The following TSHR variants were observed in gnomAD, a reference collection of about 807,000 sequenced individuals.
TSHR encodes the protein thyroid stimulating hormone receptor.
Under a neutral mutation model 64.1 loss-of-function variants are expected in TSHR, and 51 were observed. The ratio of observed to expected loss-of-function variants is 0.80; its 90% CI spans 0.64 to 1.01. TSHR has a LOEUF of 1.01. TSHR is among the 50% of genes least tolerant of loss of function. The pLI is 0.00. For synonymous variants in TSHR, 361 were observed against 361.9 expected, an observed-to-expected ratio of 1.00 and a Z score of 0.03; for missense variants, 877 against 942.8, an observed-to-expected ratio of 0.93 and a Z score of 0.91.
At chr14:81,102,080 G>C (rs944134741) in intron 7 of TSHR, among the ~76,000 whole-genome samples, 1 of 151,706 alleles carries the variant, frequency 6.6e-6, no homozygotes. Flanking sequence ...GCTGAGGCAG[G>C]AGAATGGTGT....
At chr14:80,996,412 A>G (rs1235345841) in intron 1 of TSHR, among the ~76,000 whole-genome samples, 1 of 152,086 alleles carries the variant, frequency 6.6e-6, no homozygotes, top group Non-Finnish European at 1.5e-5. Flanking sequence ...ACTTTCGTCT[A>G]TGATCTAGTA....
At chr14:81,018,263 T>C (rs1328925840) in intron 1 of TSHR, among the ~76,000 whole-genome samples, 1 of 152,240 alleles carries the variant, frequency 6.6e-6, no homozygotes, top group Non-Finnish European at 1.5e-5. Flanking sequence ...CATGTCTTGC[T>C]GTTCCAAAAT....
chr14:81,002,918 C>T (rs1889417255), intron 1 of TSHR, among the ~76,000 whole-genome samples: 1 of 98,862 alleles, frequency 1.0e-5, no homozygotes, highest in African/African-American at 3.6e-5. Flanking sequence ...CATGCTGGTG[C>T]GCTGCACCCA....
At chr14:80,990,732 G>A (rs575943441) in intron 1 of TSHR, among the ~76,000 whole-genome samples, 5 of 151,996 alleles carry the variant, frequency 3.3e-5, no homozygotes, top group East Asian at 1.9e-4. Flanking sequence ...TCGGCTTACC[G>A]CAACCTCCGC....
intron 1 of TSHR, among the ~76,000 whole-genome samples, chr14:80,997,742 G>T (rs985755707): frequency 6.6e-6 from 1 of 152,196 alleles, no homozygotes; most frequent in African/African-American, 2.4e-5. Flanking sequence ...TAGTTCTATT[G>T]TAAGATTATC....
At chr14:80,998,604 G>A (rs1036589712) in intron 1 of TSHR, among the ~76,000 whole-genome samples, 10 of 151,794 alleles carry the variant, frequency 6.6e-5, no homozygotes, top group African/African-American at 2.2e-4. Context: ...TTAAGGAGTA[G>A]TTATTATAAA....
intron 7 of TSHR, among the ~76,000 whole-genome samples, chr14:81,101,407 A>G (rs1889572683): frequency 6.6e-6 from 1 of 152,154 alleles, no homozygotes; most frequent in Non-Finnish European, 1.5e-5. Flanking sequence ...GTATAATGAA[A>G]CCAATTTTAC....
At chr14:81,142,862 G>T in intron 9 of TSHR, 78 bp from the exon 10 acceptor site, 2 of 1,296,492 alleles carry the variant, frequency 1.5e-6, no homozygotes, top group Non-Finnish European at 2.2e-6. Flanking sequence ...CACCTGCCTT[G>T]GCCTCCCAAA....
intron 1 of TSHR, among the ~76,000 whole-genome samples, chr14:81,036,094 A>T (rs1566774084): frequency 1.3e-5 from 2 of 152,194 alleles, no homozygotes; most frequent in African/African-American, 4.8e-5. Context: ...GACTTCTGGG[A>T]CACCAACTAA....
chr14:81,088,957 CAGCTTCTTTGGGG>C (rs1246214287), intron 4 of TSHR, among the ~76,000 whole-genome samples: 2 of 149,718 alleles, frequency 1.3e-5, no homozygotes, highest in African/African-American at 4.9e-5. Context: ...GGGAACCACG[CAGCTTCTTTGGGG>C]AACTAAAAAT....
intron 1 of TSHR, among the ~76,000 whole-genome samples, chr14:80,970,623 G>T (rs921922500): frequency 1.3e-5 from 2 of 152,318 alleles, no homozygotes. Context: ...GGCCCACATG[G>T]CAGGGAAGCT....
At chr14:81,111,716 C>T (rs1440028292) in intron 8 of TSHR, among the ~76,000 whole-genome samples, 1 of 152,176 alleles carries the variant, frequency 6.6e-6, no homozygotes, top group Non-Finnish European at 1.5e-5. Flanking sequence ...TGATGAGCAC[C>T]TGCTGGCATT....
chr14:81,040,619 A>T (rs953566597), intron 1 of TSHR, among the ~76,000 whole-genome samples: 1 of 152,130 alleles, frequency 6.6e-6, no homozygotes, highest in East Asian at 1.9e-4. Flanking sequence ...CAGCAAAAAA[A>T]CAAATACAGT....
intron 3 of TSHR, among the ~76,000 whole-genome samples, chr14:81,083,254 A>T (rs1888040949): frequency 6.6e-6 from 1 of 152,152 alleles, no homozygotes; most frequent in Non-Finnish European, 1.5e-5. Context: ...TTCTTAGGGG[A>T]AGAAAAAAAA....
chr14:81,101,050 T>C (rs901651672), intron 7 of TSHR, among the ~76,000 whole-genome samples: 1 of 152,188 alleles, frequency 6.6e-6, no homozygotes, highest in African/African-American at 2.4e-5. Context: ...CCTGAAGCTA[T>C]CTAGGGATTG....
At chr14:81,063,226 A>C (rs961233627) in intron 2 of TSHR, among the ~76,000 whole-genome samples, 1 of 151,674 alleles carries the variant, frequency 6.6e-6, no homozygotes, top group African/African-American at 2.4e-5. Context: ...TTGCTCTCTC[A>C]TTCCTCTTCT....
In TSHR at chr14:81,126,982, A is replaced by C. The variant is rs112690961; in HGVS notation, c.693-12697A>C. Among the ~76,000 whole-genome samples the C allele has an allele frequency of 3.6e-3, 554 of 152,356 alleles. 3 individuals are homozygous for C. Among genetic ancestry groups the C allele is most frequent in the African/African-American group, 0.012 (517 of 41,588 alleles). ...AATGAAAGAAGAGAAACAAGACTGC[A>C]TAGGACCAAATAGTAAAGGCAAAAG... On this transcript the variant is annotated intron_variant, in intron 8 of 9. Coordinates refer to ENST00000298171, the MANE Select transcript of TSHR (RefSeq NM_000369.5).
intron 2 of TSHR, among the ~76,000 whole-genome samples, chr14:81,065,817 A>G (rs1566789551): frequency 1.3e-5 from 2 of 152,210 alleles, no homozygotes; most frequent in Non-Finnish European, 1.5e-5. Context: ...GATTTGATAT[A>G]TCTTGGGGAG....
At chr14:81,033,138 T>C in intron 1 of TSHR, 1 of 372,796 alleles carries the variant, frequency 2.7e-6, no homozygotes. Context: ...ATGAATCTGA[T>C]GTGCTATGGA....
Sources: gnomAD v4.1 joint callset for allele counts (sites outside exome capture counted in the v4.1 genomes callset) on GRCh38, gnomAD v4.1.1 for gene constraint, MANE v1.5 for transcripts, NCBI Gene and HGNC (gene_info 2026-07-23, HGNC 2026-07-21) for gene names.